Variants in SORCS3 observed in about 807,000 individuals in gnomAD.
SORCS3 encodes VPS10 domain-containing receptor SorCS3.
A neutral mutation model predicts 146.3 loss-of-function variants in SORCS3; 57 were observed. That is an observed-to-expected ratio of 0.39 (90% CI 0.31 to 0.49). SORCS3 has a LOEUF of 0.49. SORCS3 is among the 20% of genes least tolerant of loss of function. SORCS3 has a pLI of 0.92. For missense variants in SORCS3, 1,341 were observed against 1,575.5 expected, an observed-to-expected ratio of 0.85 and a Z score of 2.52; for synonymous variants, 653 against 618.5, an observed-to-expected ratio of 1.06 and a Z score of -0.83.
At chr10:104,805,887 T>C (rs1392967817) in intron 1 of SORCS3, among the ~76,000 whole-genome samples, 1 of 152,174 alleles carries the variant, frequency 6.6e-6, no homozygotes, top group Non-Finnish European at 1.5e-5. Context: ...ATTCTTTTCT[T>C]TCTTTTTCTC....
At position 105,087,828 on chromosome 10, in the gene SORCS3, C is replaced by T. The variant is rs141584243; in HGVS notation, c.1029-1947C>T. Among the ~76,000 whole-genome samples the T allele has an allele frequency of 3.6e-3, 547 of 152,326 alleles. 6 individuals carry two copies. The highest frequency in any genetic ancestry group is 0.02 in the Middle Eastern group (6 of 294). On this transcript the variant is annotated intron_variant, in intron 5 of 26. Transcript: ENST00000369701. Reference sequence around the variant, plus strand: ...AAGCAGTGGTCCTCAAACATGGCTGCACATGGAAATCACCTGCGACCTTTA... The same window carrying T: ...AAGCAGTGGTCCTCAAACATGGCTGTACATGGAAATCACCTGCGACCTTTA...
intron 5 of SORCS3, among the ~76,000 whole-genome samples, chr10:105,045,738 A>G (rs2055367789): frequency 6.6e-6 from 1 of 152,158 alleles, no homozygotes; most frequent in Non-Finnish European, 1.5e-5. Context: ...TCTAATGGGA[A>G]CAGTATTTTT....
At chr10:104,847,721 G>A (rs1046799316) in intron 2 of SORCS3, among the ~76,000 whole-genome samples, 1 of 152,104 alleles carries the variant, frequency 6.6e-6, no homozygotes, top group Non-Finnish European at 1.5e-5. Flanking sequence ...CCTTCAATTG[G>A]TAGACCTTGG....
At chr10:104,970,859 G>GA (rs11453184) in intron 3 of SORCS3, among the ~76,000 whole-genome samples, 14,973 of 152,114 alleles carry the variant, frequency 0.098, 2,333 homozygotes, top group African/African-American at 0.33. Flanking sequence ...GGGTAACATT[G>GA]AAAAAATCCT....
Position 104,680,302 on chromosome 10 carries a change from C to G in SORCS3, c.627+38348C>G, listed in dbSNP as rs572273346. Among the ~76,000 whole-genome samples, 71 of 152,334 alleles carry G rather than the reference C, an allele frequency of 4.7e-4. 1 individual carries two copies. The highest frequency in any genetic ancestry group is 1.6e-3 in the African/African-American group (68 of 41,572). On this transcript the variant is annotated intron_variant, in intron 1 of 26. Coordinates refer to ENST00000369701, the MANE Select transcript of SORCS3 (RefSeq NM_014978.3). ...ACATAAAACAGCATTCACACGGGGG[C>G]AGTGAGCAGCTGCCTGGGGTGGTAG...
At chr10:105,255,119 G>A (rs912309881) in intron 23 of SORCS3, among the ~76,000 whole-genome samples, 1 of 150,622 alleles carries the variant, frequency 6.6e-6, no homozygotes, top group Non-Finnish European at 1.5e-5. Context: ...ACCCGGGGGG[G>A]CGGAGCCTGC....
At chr10:104,747,868 G>T (rs368430395) in intron 1 of SORCS3, among the ~76,000 whole-genome samples, 49 of 152,340 alleles carry the variant, frequency 3.2e-4, no homozygotes, top group African/African-American at 9.9e-4. Context: ...ACCTTGAACA[G>T]CACTGGGTTT....
rs901686345 is a variant in SORCS3 at position 105,105,553 on chromosome 10, A to G, written c.1212+38A>G. The G allele has an allele frequency of 2.1e-6, 3 of 1,446,442 alleles. No homozygotes were observed. The African/African-American group carries it at 4.2e-5, about 20-fold the overall frequency. 89.6% of individuals were successfully genotyped at this position (1,446,442 alleles called of 1,614,324 possible). A position where few individuals can be genotyped will look rare whatever the true frequency, so the allele number is the denominator to read the frequency against. On this transcript the variant is annotated intron_variant, in intron 7 of 26. Coordinates refer to ENST00000369701, the MANE Select transcript of SORCS3 (RefSeq NM_014978.3). Reference sequence around the variant, plus strand: ...AGTGCAGTTGGTGGTAGGAGGATGCATCGTTGAAGTTGGCTGCCTGCTAGG... The same window carrying G: ...AGTGCAGTTGGTGGTAGGAGGATGCGTCGTTGAAGTTGGCTGCCTGCTAGG...
intron 6 of SORCS3, among the ~76,000 whole-genome samples, chr10:105,102,591 T>C (rs544826211): frequency 6.6e-6 from 1 of 152,216 alleles, no homozygotes; most frequent in Admixed American, 6.5e-5. Context: ...GCTTATTACC[T>C]GGGTGATGAA....
chr10:104,909,312 T>C (rs572985796), intron 2 of SORCS3, among the ~76,000 whole-genome samples: 1 of 152,198 alleles, frequency 6.6e-6, no homozygotes, highest in South Asian at 2.1e-4. Flanking sequence ...CAAAGCACAG[T>C]GTGCCTAGCC....
At chr10:104,681,791 G>A (rs756408022) in intron 1 of SORCS3, among the ~76,000 whole-genome samples, 3 of 152,074 alleles carry the variant, frequency 2.0e-5, no homozygotes, top group East Asian at 1.9e-4. Flanking sequence ...TCCCTTTCTC[G>A]GAATGCTCTG....
chr10:105,045,038 A>AAG (rs1554871960), intron 5 of SORCS3, among the ~76,000 whole-genome samples: 37 of 116,578 alleles, frequency 3.2e-4, no homozygotes, highest in Middle Eastern at 4.1e-3. Context: ...AAAAAAAAAA[A>AAG]AAAGAAAGAA....
chr10:104,750,522 A>G lies in SORCS3; in HGVS notation c.628-92270A>G, dbSNP rs375894423. ...TGTCCTTGGTCCTGCCCTCCAGTCT[A>G]CCTAAGAGATGCAGGCTTCACTTTT... On this transcript the variant is annotated intron_variant, in intron 1 of 26. Coordinates refer to ENST00000369701, the MANE Select transcript of SORCS3 (RefSeq NM_014978.3). Among the ~76,000 whole-genome samples the G allele has an allele frequency of 5.9e-5, 9 of 152,308 alleles. No homozygotes were observed. The East Asian group carries it at 1.7e-3, about 29-fold the overall frequency.
intron 5 of SORCS3, among the ~76,000 whole-genome samples, chr10:105,054,547 T>C (rs1423285836): frequency 6.6e-6 from 1 of 151,884 alleles, no homozygotes; most frequent in East Asian, 1.9e-4. Flanking sequence ...TACCAATGGA[T>C]ATTTTTAAGA....
intron 5 of SORCS3, among the ~76,000 whole-genome samples, chr10:105,058,809 C>G (rs988436692): frequency 1.3e-5 from 2 of 152,032 alleles, no homozygotes; most frequent in African/African-American, 4.8e-5. Flanking sequence ...AATGCAGACT[C>G]TAGATAGAAG....
rs187094981 is a variant in SORCS3, at chr10:104,976,847, G to C, written c.796-488G>C. Among the ~76,000 whole-genome samples, 1,305 of 152,142 alleles carry C rather than the reference G, an allele frequency of 8.6e-3. 22 individuals are homozygous for C. Among genetic ancestry groups the C allele is most frequent in the African/African-American group, 0.03 (1,239 of 41,488 alleles). On this transcript the variant is annotated intron_variant, in intron 3 of 26. Coordinates refer to ENST00000369701, the MANE Select transcript of SORCS3 (RefSeq NM_014978.3). ...CACCGCATATTCTCACTCATAGGTG[G>C]GAATTGAACAATGAGATCGCATGGA... is the stretch of plus-strand genomic sequence containing the variant.
chr10:104,975,059 A>G (rs2054886784), intron 3 of SORCS3, among the ~76,000 whole-genome samples: 1 of 152,170 alleles, frequency 6.6e-6, no homozygotes, highest in African/African-American at 2.4e-5. Context: ...TTCTGCCGAG[A>G]GATCCCCTGT....
intron 16 of SORCS3, among the ~76,000 whole-genome samples, chr10:105,203,587 A>G (rs916975712): frequency 1.3e-5 from 2 of 152,146 alleles, no homozygotes; most frequent in Non-Finnish European, 2.9e-5. Context: ...GAACTGTAAA[A>G]TATTTTCTCA....
chr10:105,008,790 G>A (rs2055113543), intron 4 of SORCS3, among the ~76,000 whole-genome samples: 1 of 152,152 alleles, frequency 6.6e-6, no homozygotes. Flanking sequence ...GGGATTACAG[G>A]CATATGCCAT....
Sources: gnomAD v4.1 joint callset for allele counts (sites outside exome capture counted in the v4.1 genomes callset) on GRCh38, gnomAD v4.1.1 for gene constraint, MANE v1.5 for transcripts, NCBI Gene and HGNC (gene_info 2026-07-23, HGNC 2026-07-21) for gene names.